NLRP7: variants seen among roughly 807,000 people sequenced by gnomAD.
NLRP7 encodes NACHT, LRR and PYD domains-containing protein 7.
A neutral mutation model predicts 85.5 loss-of-function variants in NLRP7; 72 were observed. The observed-to-expected ratio is 0.84, with a 90% CI of 0.70 to 1.02. The LOEUF (loss-of-function observed/expected upper bound fraction) is 1.02, where lower values mean the gene tolerates loss of function less well. NLRP7 is among the 50% of genes least tolerant of loss of function. The pLI, the probability that NLRP7 is intolerant of heterozygous loss-of-function variation, is 0.00. For missense variants in NLRP7, 1,243 were observed against 1,219.5 expected, an observed-to-expected ratio of 1.02 and a Z score of -0.29; for synonymous variants, 550 against 505.2, an observed-to-expected ratio of 1.09 and a Z score of -1.19.
rs1174147459 is a variant in NLRP7 at position 54,963,825 on chromosome 19, G to GA, written c.-77+2214dup. On this transcript the variant is annotated intron_variant, in intron 1 of 2. Transcript: ENST00000587103. ...GGCGACAGTGCCAGACTCAGTCTCA[G>GA]AAAAAAAAAAAGCAAAACAAACAAA... 7.4e-3 allele frequency among the ~76,000 whole-genome samples: 871 copies of GA among 117,574 alleles called. 5 individuals carry two copies. The highest frequency in any genetic ancestry group is 8.3e-3 in the Middle Eastern group (2 of 240). 77.1% of individuals were successfully genotyped at this position (117,574 alleles called of 152,430 possible).
At chr19:54,959,689 C>T (rs371794954) in intron 1 of NLRP7, among the ~76,000 whole-genome samples, 172 of 151,702 alleles carry the variant, frequency 1.1e-3, no homozygotes, top group African/African-American at 3.9e-3. Flanking sequence ...ACTCTGAGAC[C>T]CTGTTTCTAC....
At chr19:54,940,305 A>C in exon 4 of NLRP7, 1 of 1,614,194 alleles carries the variant, frequency 6.2e-7, no homozygotes, top group Non-Finnish European at 8.5e-7. Context: ...ACCACCGTGT[A>C]AGGTGTTAGC....
At chr19:54,939,360 C>A (rs760490857) in exon 4 of NLRP7, 1 of 1,613,946 alleles carries the variant, frequency 6.2e-7, no homozygotes, top group Non-Finnish European at 8.5e-7. Flanking sequence ...CTGTCCTCCC[C>A]CTCCTCCTTC....
chr19:54,937,215 C>G (rs1358109665), intron 5 of NLRP7, among the ~76,000 whole-genome samples: 1 of 77,604 alleles, frequency 1.3e-5, no homozygotes, highest in Non-Finnish European at 2.7e-5. Context: ...GAGACTGTCT[C>G]AAAAAAAAAA....
rs1200654393 is a variant in NLRP7 at position 54,941,629 on chromosome 19, AG to A, written c.82del (p.Leu28PhefsTer40). Reference sequence around the variant, plus strand: ...GTCTTCGAGGGGAAAAGCCCATAAAAGGGATTTGAAACTCTTTAATTCATCC... The same window carrying A: ...GTCTTCGAGGGGAAAAGCCCATAAAAGGATTTGAAACTCTTTAATTCATCC... On this transcript the variant is annotated frameshift_variant, in exon 2 of 10. Transcript: ENST00000340844. LOFTEE classifies it high-confidence loss of function. The A allele has an allele frequency of 6.2e-7, 1 of 1,613,996 alleles. No homozygotes were observed. The highest frequency in any genetic ancestry group is 8.5e-7 in the Non-Finnish European group (1 of 1,180,030).
chr19:54,936,478 ATTGT>A (rs1448971239), intron 5 of NLRP7, 47 bp from the exon 6 acceptor site: 1 of 1,483,286 alleles, frequency 6.7e-7, no homozygotes, highest in South Asian at 1.1e-5. Flanking sequence ...TAATACTCAC[ATTGT>A]GTGGAGGCAT....
rs570574491 is a variant in NLRP7 at position 54,930,069 on chromosome 19, C to G, written c.2810+430G>C. On this transcript the variant is annotated intron_variant, in intron 9 of 9. Transcript: ENST00000340844. ...GGAAGAGGTTGCAGTAAGCCGAGATCGCGCCACTGCACTCCAGCCTGGGCA... is the reference window on the plus strand; with the variant it reads ...GGAAGAGGTTGCAGTAAGCCGAGATGGCGCCACTGCACTCCAGCCTGGGCA... Among the ~76,000 whole-genome samples the G allele has an allele frequency of 3.6e-4, 52 of 144,630 alleles. 1 individual carries two copies. Among genetic ancestry groups the G allele is most frequent in the African/African-American group, 1.3e-3 (49 of 38,972 alleles). 94.9% of individuals were successfully genotyped at this position (144,630 alleles called of 152,430 possible).
At chr19:54,925,720 C>T (rs566964490) in intron 9 of NLRP7, among the ~76,000 whole-genome samples, 5 of 152,084 alleles carry the variant, frequency 3.3e-5, no homozygotes, top group South Asian at 4.2e-4. Context: ...TCACTGAGGC[C>T]GGGCGCGGTG....
In NLRP7 at chr19:54,954,311, G is replaced by A. The variant is rs140975859; in HGVS notation, c.-76-6806C>T. Among the ~76,000 whole-genome samples, 729 of 147,782 alleles carry A rather than the reference G, an allele frequency of 4.9e-3. 31 individuals carry two copies. Among genetic ancestry groups the A allele is most frequent in the African/African-American group, 0.017 (693 of 40,180 alleles). ...GGAGGCCGAGGCGGGTGGATCATGA[G>A]GTCAGGAGATTGAGACCATCCTGGC... On this transcript the variant is annotated intron_variant, in intron 1 of 2. Transcript: ENST00000587103.
chr19:54,942,847 T>C (rs1300118660), intron 1 of NLRP7, among the ~76,000 whole-genome samples: 1 of 151,594 alleles, frequency 6.6e-6, no homozygotes, highest in Non-Finnish European at 1.5e-5. Flanking sequence ...AGAGGACAGA[T>C]ATAAATATAA....
At chr19:54,927,744 A>G in intron 9 of NLRP7, 1 of 1,614,148 alleles carries the variant, frequency 6.2e-7, no homozygotes. Flanking sequence ...AGATGCTGAC[A>G]ATAGAAAGGC....
chr19:54,949,183 C>T (rs1246556618), upstream of NLRP7, among the ~76,000 whole-genome samples: 2 of 151,478 alleles, frequency 1.3e-5, no homozygotes, highest in South Asian at 2.1e-4. Context: ...GAGGCTGAGG[C>T]GTAAGAATTG....
chr19:54,945,006 G>A (rs1462794095), intron 1 of NLRP7, among the ~76,000 whole-genome samples: 3 of 151,860 alleles, frequency 2.0e-5, no homozygotes, highest in Non-Finnish European at 2.9e-5. Context: ...ATGGGAGGCC[G>A]AGGCGGGCAG....
intron 1 of NLRP7, among the ~76,000 whole-genome samples, chr19:54,944,142 C>T (rs1030378358): frequency 7.2e-5 from 11 of 152,018 alleles, no homozygotes; most frequent in African/African-American, 2.7e-4. Context: ...CAGCCCGACA[C>T]CCGTAAAGGG....
intron 1 of NLRP7, among the ~76,000 whole-genome samples, chr19:54,942,008 C>T (rs887336880): frequency 1.3e-5 from 2 of 151,998 alleles, no homozygotes; most frequent in African/African-American, 4.8e-5. Flanking sequence ...AATCCCAGCA[C>T]TTTGGGAGGC....
intron 1 of NLRP7, among the ~76,000 whole-genome samples, chr19:54,955,690 G>A (rs1346329411): frequency 6.6e-6 from 1 of 152,080 alleles, no homozygotes; most frequent in Non-Finnish European, 1.5e-5. Flanking sequence ...GGGAGGCTGA[G>A]GCAGGAGAAT....
At chr19:54,944,184 G>T (rs919488325) in intron 1 of NLRP7, among the ~76,000 whole-genome samples, 1 of 151,928 alleles carries the variant, frequency 6.6e-6, no homozygotes, top group Admixed American at 6.6e-5. Flanking sequence ...ATAAGAGGAA[G>T]GCCTTTTTGC....
At chr19:54,940,015 G>A (rs2069147036) in exon 4 of NLRP7, 1 of 1,614,180 alleles carries the variant, frequency 6.2e-7, no homozygotes, top group Non-Finnish European at 8.5e-7. Flanking sequence ...CCCCGCAGAT[G>A]TCCTGGATCA....
chr19:54,934,368 G>GTAAT lies in NLRP7; in HGVS notation c.2471+120_2471+121insATTA. 1.0e-6 allele frequency: 1 copy of GTAAT among 989,394 alleles called. No homozygotes were observed. The highest frequency in any genetic ancestry group is 1.6e-6 in the Non-Finnish European group (1 of 611,130). 61.3% of individuals were successfully genotyped at this position (989,394 alleles called of 1,614,324 possible). A position where few individuals can be genotyped will look rare whatever the true frequency, so the allele number is the denominator to read the frequency against. On this transcript the variant is annotated intron_variant, in intron 7 of 9. Transcript: ENST00000340844. The surrounding 1 kb of genome is among the most constrained non-coding windows in gnomAD (Gnocchi z 6.7). ...AGGCAGGAGCCACCGTGCCGGGCCT[G>GTAAT]AAGCAGGTGTTTATTTCAGCAAGAG...
Sources: allele counts gnomAD v4.1 joint callset (sites outside exome capture counted in the v4.1 genomes callset), GRCh38; gene constraint gnomAD v4.1.1; non-coding constraint Gnocchi (gnomAD v3.1); transcripts MANE v1.5; gene names NCBI Gene and HGNC (gene_info 2026-07-23, HGNC 2026-07-21).